The following LRRC37A2 variants were observed in gnomAD, a reference collection of about 807,000 sequenced individuals.
LRRC37A2 encodes the protein leucine-rich repeat-containing protein 37A2.
Under a neutral mutation model 68.8 loss-of-function variants are expected in LRRC37A2, and 9 were observed. The ratio of observed to expected loss-of-function variants is 0.13; its 90% CI spans 0.08 to 0.23. The LOEUF (loss-of-function observed/expected upper bound fraction) is 0.23. Among genes scored for constraint, LRRC37A2 ranks in the 10% least tolerant of loss-of-function variants. The pLI is 1.00. For missense variants in LRRC37A2, 168 were observed against 950.4 expected, an observed-to-expected ratio of 0.18 and a Z score of 10.82; for synonymous variants, 63 against 367.6, an observed-to-expected ratio of 0.17 and a Z score of 9.48.
At chr17:46,896,390 AAG>A in the LRRC37A2 span, among the ~76,000 whole-genome samples, 90 of 121,312 alleles carry the variant, frequency 7.4e-4, no homozygotes, top group Middle Eastern at 3.8e-3. Flanking sequence ...GAAAGAAAGA[AAG>A]AGAAAGAAAG....
chr17:46,978,844 A>G, the LRRC37A2 span: 1 of 1,598,564 alleles, frequency 6.3e-7, no homozygotes, highest in Non-Finnish European at 8.5e-7. Context: ...GTCGGGCGCC[A>G]GCCCCGCGGG....
At chr17:46,898,076 A>G in the LRRC37A2 span, among the ~76,000 whole-genome samples, 1 of 152,148 alleles carries the variant, frequency 6.6e-6, no homozygotes, top group Non-Finnish European at 1.5e-5. Flanking sequence ...GACAGAGCAG[A>G]GCATTACTGG....
the LRRC37A2 span, among the ~76,000 whole-genome samples, chr17:46,801,767 C>T: frequency 4.9e-4 from 74 of 152,162 alleles, no homozygotes; most frequent in Admixed American, 1.2e-3. Context: ...TAAGTGACCA[C>T]AGCTGTGAGG....
the LRRC37A2 span, among the ~76,000 whole-genome samples, chr17:46,709,729 A>G: frequency 6.6e-6 from 1 of 152,024 alleles, no homozygotes; most frequent in East Asian, 1.9e-4. Context: ...TCCATACCTC[A>G]GGTGATCCAC....
the LRRC37A2 span, among the ~76,000 whole-genome samples, chr17:46,722,948 G>T: frequency 1.3e-5 from 2 of 152,314 alleles, no homozygotes; most frequent in East Asian, 3.9e-4. Flanking sequence ...GAGACCGACT[G>T]CAAAAAACAA....
At chr17:46,900,198 T>C in the LRRC37A2 span, among the ~76,000 whole-genome samples, 3,887 of 91,812 alleles carry the variant, frequency 0.042, 75 homozygotes, top group Non-Finnish European at 0.059. Context: ...TATATATATA[T>C]ATATACACAC....
At chr17:46,440,601 G>T in the LRRC37A2 span, among the ~76,000 whole-genome samples, 1 of 17,596 alleles carries the variant, frequency 5.7e-5, no homozygotes, top group Non-Finnish European at 1.8e-4. Flanking sequence ...CGAGTAGTTG[G>T]GATTACAGGC....
chr17:46,725,121 A>G, the LRRC37A2 span, among the ~76,000 whole-genome samples: 2 of 152,226 alleles, frequency 1.3e-5, no homozygotes, highest in African/African-American at 4.8e-5. Context: ...CAATGAATCA[A>G]TAATATATAT....
At chr17:46,384,282 T>TA in the LRRC37A2 span, among the ~76,000 whole-genome samples, 91 of 41,238 alleles carry the variant, frequency 2.2e-3, 8 homozygotes, top group African/African-American at 4.2e-3. Context: ...CCCACTCCTT[T>TA]AAAAAAAAAA....
chr17:46,815,644 C>T, the LRRC37A2 span, among the ~76,000 whole-genome samples: 1 of 152,090 alleles, frequency 6.6e-6, no homozygotes, highest in East Asian at 1.9e-4. Flanking sequence ...GGTGACTCAC[C>T]CTCCACCCCA....
the LRRC37A2 span, chr17:46,710,894 A>G: frequency 1.4e-6 from 2 of 1,392,154 alleles, no homozygotes; most frequent in Non-Finnish European, 1.9e-6. Flanking sequence ...ACGGATTATA[A>G]CTCGTCTTTT....
the LRRC37A2 span, chr17:46,818,766 G>A: frequency 1.4e-6 from 1 of 692,376 alleles, no homozygotes; most frequent in East Asian, 2.7e-5. Flanking sequence ...GAGCAGCCGG[G>A]TTTGAGGATG....
the LRRC37A2 span, among the ~76,000 whole-genome samples, chr17:46,830,401 A>T: frequency 2.0e-5 from 3 of 152,042 alleles, no homozygotes; most frequent in Non-Finnish European, 4.4e-5. Context: ...ACAGACATGC[A>T]CCACCGCACC....
the LRRC37A2 span, among the ~76,000 whole-genome samples, chr17:46,782,466 C>G: frequency 7.9e-5 from 12 of 152,110 alleles, no homozygotes; most frequent in Non-Finnish European, 1.2e-4. Context: ...GTTCCTGGGC[C>G]CAGAAGGGCT....
the LRRC37A2 span, chr17:46,773,623 T>TTC: frequency 2.9e-4 from 112 of 383,428 alleles, 1 homozygote; most frequent in Middle Eastern, 8.8e-4. Context: ...TCCTGATCCC[T>TTC]CCCCCCACCC....
At chr17:46,455,581 A>G in the LRRC37A2 span, among the ~76,000 whole-genome samples, 2 of 104,132 alleles carry the variant, frequency 1.9e-5, no homozygotes, top group Admixed American at 9.5e-5. Flanking sequence ...TACTTGAGTC[A>G]TCAAATGTAT....
chr17:46,721,758 T>C, the LRRC37A2 span: 1 of 1,604,000 alleles, frequency 6.2e-7, no homozygotes, highest in South Asian at 1.1e-5. Context: ...ACAATTTCGC[T>C]TGGGAAGACC....
the LRRC37A2 span, among the ~76,000 whole-genome samples, chr17:46,969,758 T>G: frequency 6.6e-6 from 1 of 152,210 alleles, no homozygotes; most frequent in Non-Finnish European, 1.5e-5. Context: ...TGGGTCCCCC[T>G]CTGTGGGGAC....
At chr17:46,978,502 G>C in the LRRC37A2 span, 1 of 985,826 alleles carries the variant, frequency 1.0e-6, no homozygotes, top group Non-Finnish European at 1.4e-6. Context: ...CCCGCCGACA[G>C]TCTCGCCGCG....
Sources: gnomAD v4.1 joint callset for allele counts (sites outside exome capture counted in the v4.1 genomes callset) on GRCh38, gnomAD v4.1.1 for gene constraint, MANE v1.5 for transcripts, NCBI Gene and HGNC (gene_info 2026-07-23, HGNC 2026-07-21) for gene names.